The following LPCAT3 variants were observed in gnomAD, a reference collection of about 807,000 sequenced individuals.
LPCAT3 encodes the protein lysophosphatidylcholine acyltransferase 3, also known as lysophospholipid acyltransferase 5.
LPCAT3 carries 21 observed loss-of-function variants against 63.4 expected under a neutral mutation model. That is an observed-to-expected ratio of 0.33 (90% CI 0.23 to 0.48). LPCAT3 has a LOEUF of 0.48. Among genes scored for constraint, LPCAT3 ranks in the 20% least tolerant of loss-of-function variants. LPCAT3 has a pLI of 0.99. For missense variants in LPCAT3, 451 were observed against 590.6 expected (o/e 0.76, Z 2.45); for synonymous variants, 242 against 227.5 (o/e 1.06, Z -0.58).
At chr12:6,994,234 G>GTC (rs1322201553) in intron 1 of LPCAT3, among the ~76,000 whole-genome samples, 1 of 152,110 alleles carries the variant, frequency 6.6e-6, no homozygotes, top group African/African-American at 2.4e-5. Context: ...TTGGGACAGA[G>GTC]TCTCTCTGTG....
intron 1 of LPCAT3, among the ~76,000 whole-genome samples, chr12:6,989,817 T>A (rs1481216534): frequency 6.6e-6 from 1 of 152,166 alleles, no homozygotes; most frequent in Non-Finnish European, 1.5e-5. Context: ...GTGAGATTAC[T>A]TATTAATCCT....
At chr12:6,981,568 C>T (rs1555154066) in intron 5 of LPCAT3, 27 bp downstream of exon 5, 3 of 1,612,200 alleles carry the variant, frequency 1.9e-6, no homozygotes, top group Non-Finnish European at 2.5e-6. Flanking sequence ...AAGTCTTGAA[C>T]CTCTCTGCCG....
intron 5 of LPCAT3, 78 bp from the exon 6 acceptor site, chr12:6,981,260 G>A: frequency 8.4e-7 from 1 of 1,194,498 alleles, no homozygotes; most frequent in Non-Finnish European, 1.2e-6. Flanking sequence ...TTCCCCACCT[G>A]TGTGCCCCAC....
chr12:6,977,821 C>A lies in LPCAT3; in HGVS notation c.1041-76G>T. 2 of 1,569,688 alleles carry A rather than the reference C, an allele frequency of 1.3e-6. No homozygotes were observed. The highest frequency in any genetic ancestry group is 2.3e-5 in the South Asian group (2 of 87,132). On this transcript the variant is annotated intron_variant, in intron 9 of 12. Transcript: ENST00000261407. The surrounding 1 kb of genome is among the most constrained non-coding windows in gnomAD (Gnocchi z 4.5). ...CCCGCCACCTGCCTCTGGGTCCTCA[C>A]CCTGAGGATTGGATTGGAGTGCTGG...
chr12:6,980,216 T>A (rs1461629349), intron 6 of LPCAT3, among the ~76,000 whole-genome samples: 1 of 151,694 alleles, frequency 6.6e-6, no homozygotes, highest in African/African-American at 2.4e-5. Flanking sequence ...CCTGGATAAT[T>A]TTTTTTTGTA....
intron 1 of LPCAT3, among the ~76,000 whole-genome samples, chr12:6,985,461 CA>C (rs1946514226): frequency 6.6e-6 from 1 of 151,888 alleles, no homozygotes. Context: ...GCCTGTAAAC[CA>C]AGGCACTTTG....
chr12:6,980,918 C>G, intron 6 of LPCAT3, 86 bp downstream of exon 6: 2 of 1,355,902 alleles, frequency 1.5e-6, no homozygotes, highest in Non-Finnish European at 2.0e-6. Context: ...ATGCCAGGGT[C>G]ATGCTGGAGA....
In LPCAT3 at chr12:6,978,639, A is replaced by G; in HGVS notation, c.837T>C (p.Phe279=). 6.2e-7 allele frequency: 1 copy of G among 1,614,204 alleles called. No individual in the cohort carries two copies. The highest frequency in any genetic ancestry group is 1.3e-5 in the African/African-American group (1 of 75,056). The change falls in exon 8 of 13, where the codon TTT becomes TTC. Residue 279 remains phenylalanine (F), a synonymous_variant. Transcript: ENST00000261407. ...AACAGGTGACATATTTGTACAGCAC[A>G]AACTTGCCCCAGATCAGCATGTACA... ...RCMYMLIWGK[F]VLYKYVTCWL...
At chr12:6,994,363 A>G (rs1031058554) in intron 1 of LPCAT3, among the ~76,000 whole-genome samples, 4 of 151,784 alleles carry the variant, frequency 2.6e-5, no homozygotes, top group Admixed American at 6.6e-5. Flanking sequence ...GTGCACCACC[A>G]TGCCCAGCTA....
chr12:6,979,047 CTG>C (rs1946441309), intron 7 of LPCAT3: 1 of 304,990 alleles, frequency 3.3e-6, no homozygotes, highest in East Asian at 7.0e-5. Context: ...AATTACTGAA[CTG>C]TTTTCAAGCC....
Position 7,012,587 on chromosome 12 carries a change from G to A in LPCAT3, c.151+5687C>T, listed in dbSNP as rs187897351. ...AGCAACATTAACATACCCAATCAAC[G>A]TGAATAAGATCCTCTTCTCTGTATA... On this transcript the variant is annotated intron_variant, in intron 1 of 12. Coordinates refer to ENST00000261407, the MANE Select transcript of LPCAT3 (RefSeq NM_005768.6). Among the ~76,000 whole-genome samples the A allele has an allele frequency of 5.3e-5, 8 of 152,254 alleles. No individual in the cohort carries two copies. The East Asian group carries it at 1.2e-3, about 22-fold the overall frequency.
chr12:6,979,863 CT>C, intron 6 of LPCAT3: 1 of 377,068 alleles, frequency 2.7e-6, no homozygotes, highest in Non-Finnish European at 4.8e-6. Flanking sequence ...ATCTCAAGGT[CT>C]TGCCAGGTCT....
chr12:6,979,303 A>T lies in LPCAT3; in HGVS notation c.786+168T>A, dbSNP rs1946445220. 6 of 623,424 alleles carry T rather than the reference A, an allele frequency of 9.6e-6. No homozygotes were observed. The South Asian group carries it at 1.1e-4, about 12-fold the overall frequency. The allele number at this position is 623,424 out of a possible 1,614,324, so 38.6% of individuals were successfully genotyped here. A position where few individuals can be genotyped will look rare whatever the true frequency, so the allele number is the denominator to read the frequency against. On this transcript the variant is annotated intron_variant, in intron 7 of 12. Transcript: ENST00000261407. ...CGCGAAGGTTGTTCAGTGCTGGCTGATGAACATGTCCCAGCACGGCTGGCA... is the reference window on the plus strand; with the variant it reads ...CGCGAAGGTTGTTCAGTGCTGGCTGTTGAACATGTCCCAGCACGGCTGGCA...
At position 6,976,680 on chromosome 12, in the gene LPCAT3, G is replaced by A. The variant is rs151308958; in HGVS notation, c.*224C>T. The A allele has an allele frequency of 7.8e-4, 121 of 156,080 alleles. No homozygotes were observed. In the East Asian group the frequency reaches 0.015, roughly 20 times the overall value. 9.7% of individuals were successfully genotyped at this position (156,080 alleles called of 1,614,324 possible). A position where few individuals can be genotyped will look rare whatever the true frequency, so the allele number is the denominator to read the frequency against. ...GGAGGTTGCGGTGAGCTGAGATCCC[G>A]CCACTGCATTCCAGCGTGGGTGACA... On this transcript the variant is annotated 3_prime_UTR_variant, in exon 13 of 13. Coordinates refer to ENST00000261407, the MANE Select transcript of LPCAT3 (RefSeq NM_005768.6).
Position 6,993,141 on chromosome 12 carries a change from T to A in LPCAT3, c.152-9602A>T, listed in dbSNP as rs868995815. On this transcript the variant is annotated intron_variant, in intron 1 of 12. Transcript: ENST00000261407. Reference sequence around the variant, plus strand: ...AAGTGTAAAATGTAATGTTTTTTAGTATATTCAAAAGGTTGTCGCCGGGCA... The same window carrying A: ...AAGTGTAAAATGTAATGTTTTTTAGAATATTCAAAAGGTTGTCGCCGGGCA... 5.2e-4 allele frequency among the ~76,000 whole-genome samples: 79 copies of A among 152,248 alleles called. No homozygotes were observed. In the Middle Eastern group the frequency reaches 0.024, roughly 46 times the overall value.
At chr12:7,004,819 T>C (rs1946715308) in intron 1 of LPCAT3, among the ~76,000 whole-genome samples, 1 of 152,206 alleles carries the variant, frequency 6.6e-6, no homozygotes, top group African/African-American at 2.4e-5. Flanking sequence ...TCCTACGATC[T>C]ATAAGATGAA....
Position 7,017,020 on chromosome 12 carries a change from A to C in LPCAT3, c.151+1254T>G, listed in dbSNP as rs1391217246. On this transcript the variant is annotated intron_variant, in intron 1 of 12. Coordinates refer to ENST00000261407, the MANE Select transcript of LPCAT3 (RefSeq NM_005768.6). The surrounding 1 kb of genome is among the most constrained non-coding windows in gnomAD (Gnocchi z 4.1). ...CCTATCCCATTATCTAGATTGGGTT[A>C]ACACCCTCTGGTGATATTATATATC... 6.6e-6 allele frequency among the ~76,000 whole-genome samples: 1 copy of C among 152,216 alleles called. No homozygotes were observed. The highest frequency in any genetic ancestry group is 2.4e-5 in the African/African-American group (1 of 41,468).
chr12:7,012,586 C>T (rs782117654), intron 1 of LPCAT3, among the ~76,000 whole-genome samples: 8 of 152,168 alleles, frequency 5.3e-5, no homozygotes, highest in Non-Finnish European at 8.8e-5. Flanking sequence ...ACCCAATCAA[C>T]GTGAATAAGA....
At chr12:6,985,772 T>C (rs1191090972) in intron 1 of LPCAT3, among the ~76,000 whole-genome samples, 12 of 126,898 alleles carry the variant, frequency 9.5e-5, no homozygotes, top group African/African-American at 4.1e-4. Flanking sequence ...TCAACTGGTG[T>C]TTTTTTTTTT....
Sources: allele counts gnomAD v4.1 joint callset (sites outside exome capture counted in the v4.1 genomes callset), GRCh38; gene constraint gnomAD v4.1.1; non-coding constraint Gnocchi (gnomAD v3.1); transcripts MANE v1.5; gene names NCBI Gene and HGNC (gene_info 2026-07-23, HGNC 2026-07-21).